The following NAALADL2 variants were observed in gnomAD, a reference collection of about 807,000 sequenced individuals.
NAALADL2 encodes the protein inactive N-acetylated-alpha-linked acidic dipeptidase-like protein 2.
Under a neutral mutation model 87.2 loss-of-function variants are expected in NAALADL2, and 76 were observed. That is an observed-to-expected ratio of 0.87 (90% CI 0.72 to 1.05). The LOEUF (loss-of-function observed/expected upper bound fraction) is 1.05. Among genes scored for constraint, NAALADL2 ranks in the 50% least tolerant of loss-of-function variants. The pLI is 0.00. For missense variants in NAALADL2, 1,089 were observed against 945.8 expected (o/e 1.15, Z -1.99); for synonymous variants, 354 against 331.0 (o/e 1.07, Z -0.75).
chr3:175,243,531 C>CTTTTTT lies in NAALADL2; in HGVS notation c.819+9349_819+9354dup, dbSNP rs3066298. On this transcript the variant is annotated intron_variant, in intron 3 of 13. Coordinates refer to ENST00000454872, the MANE Select transcript of NAALADL2 (RefSeq NM_207015.3). ...AATTTGCAAATGCTACACATCAGGA[C>CTTTTTT]TTTTTTTTTTTTTTTTTTTTTTTTT... Among the ~76,000 whole-genome samples the CTTTTTT allele has an allele frequency of 2.1e-3, 178 of 85,572 alleles. 11 individuals carry two copies. The highest frequency in any genetic ancestry group is 7.5e-3 in the African/African-American group (171 of 22,682). 56.1% of individuals were successfully genotyped at this position (85,572 alleles called of 152,430 possible). A position where few individuals can be genotyped will look rare whatever the true frequency, so the allele number is the denominator to read the frequency against.
In NAALADL2 at chr3:175,228,429, G is replaced by A. The variant is rs368856638; in HGVS notation, c.546-5502G>A. On this transcript the variant is annotated intron_variant, in intron 2 of 13. Coordinates refer to ENST00000454872, the MANE Select transcript of NAALADL2 (RefSeq NM_207015.3). The stretch of plus-strand genomic sequence containing the variant: ...TTTGTTAATAGATATTCTGAAAAAC[G>A]CATATATGCTGAATACATTATAACA... Among the ~76,000 whole-genome samples the A allele has an allele frequency of 5.5e-4, 83 of 151,512 alleles. 1 individual carries two copies. The South Asian group carries it at 0.016, about 29-fold the overall frequency.
At chr3:174,954,103 A>G (rs994004533) in intron 1 of NAALADL2, among the ~76,000 whole-genome samples, 3 of 152,184 alleles carry the variant, frequency 2.0e-5, no homozygotes, top group East Asian at 1.9e-4. Flanking sequence ...CCTATTTGCA[A>G]TATTCCTTCT....
intron 5 of NAALADL2, among the ~76,000 whole-genome samples, chr3:175,410,816 G>T (rs980232561): frequency 6.6e-6 from 1 of 152,050 alleles, no homozygotes; most frequent in African/African-American, 2.4e-5. Flanking sequence ...TACAGTGAGC[G>T]GCATAGGTTA....
intron 1 of NAALADL2, among the ~76,000 whole-genome samples, chr3:174,939,020 C>T (rs1738164766): frequency 6.6e-6 from 1 of 152,042 alleles, no homozygotes; most frequent in Admixed American, 6.6e-5. Context: ...TAATTAGATC[C>T]TTCTCGTCAA....
chr3:175,233,478 G>A (rs531907338), intron 2 of NAALADL2, among the ~76,000 whole-genome samples: 38 of 152,212 alleles, frequency 2.5e-4, no homozygotes, highest in South Asian at 1.2e-3. Context: ...GTCTCACTCT[G>A]TTGACAAAGC....
At chr3:175,722,341 A>G (rs1742350083) in intron 11 of NAALADL2, among the ~76,000 whole-genome samples, 1 of 152,136 alleles carries the variant, frequency 6.6e-6, no homozygotes, top group Non-Finnish European at 1.5e-5. Flanking sequence ...TAATTTTTCC[A>G]TTAAAATGAG....
chr3:174,513,097 G>T (rs1719711795), intron 1 of NAALADL2, among the ~76,000 whole-genome samples: 1 of 152,006 alleles, frequency 6.6e-6, no homozygotes, highest in Non-Finnish European at 1.5e-5. Context: ...GAGTAGCTGG[G>T]ATTACAAGCG....
rs544262063 is a variant in NAALADL2 at position 174,878,851 on chromosome 3, G to A, written c.43+19401G>A. On this transcript the variant is annotated intron_variant, in intron 1 of 13. Coordinates refer to ENST00000454872, the MANE Select transcript of NAALADL2 (RefSeq NM_207015.3). The stretch of plus-strand genomic sequence containing the variant: ...TTGAAAAGGGGCCATGTGATTATTT[G>A]TCATTCAAAACAATAATAAAAAGAA... 6.6e-5 allele frequency among the ~76,000 whole-genome samples: 10 copies of A among 152,104 alleles called. No homozygotes were observed. The East Asian group carries it at 1.9e-3, about 29-fold the overall frequency.
At position 175,097,024 on chromosome 3, in the gene NAALADL2, C is replaced by A; in HGVS notation, c.278C>A (p.Pro93His). The A allele has an allele frequency of 6.2e-7, 1 of 1,613,534 alleles. No homozygotes were observed. Among genetic ancestry groups the A allele is most frequent in the Non-Finnish European group, 8.5e-7 (1 of 1,179,732 alleles). ...NLDSIQPATS[P>H]KGRFQRLQEE... The stretch of plus-strand genomic sequence containing the variant: ...GATTCCATTCAACCAGCAACTTCAC[C>A]CAAAGGAAGGTTCCAGAGACTTCAA... The change falls in exon 2 of 14, where the codon CCC becomes CAC. Residue 93 changes from proline (P) to histidine (H), a missense_variant. Physicochemically the swap from Pro to His is moderately conservative, Grantham distance 77. Coordinates refer to ENST00000454872, the MANE Select transcript of NAALADL2 (RefSeq NM_207015.3).
At chr3:175,113,838 A>G (rs73883352) in intron 2 of NAALADL2, among the ~76,000 whole-genome samples, 18,909 of 151,492 alleles carry the variant, frequency 0.12, 1,439 homozygotes, top group East Asian at 0.33. Flanking sequence ...AATCGTAAAC[A>G]AACCCAAAGT....
intron 2 of NAALADL2, among the ~76,000 whole-genome samples, chr3:174,701,225 G>C (rs1316534206): frequency 2.7e-5 from 4 of 150,724 alleles, no homozygotes; most frequent in African/African-American, 9.7e-5. Context: ...GTATAAAAAT[G>C]CTTAAAATGT....
At chr3:174,878,799 C>T (rs1402447527) in intron 1 of NAALADL2, among the ~76,000 whole-genome samples, 1 of 151,864 alleles carries the variant, frequency 6.6e-6, no homozygotes, top group Admixed American at 6.6e-5. Flanking sequence ...CCTCAGAAGA[C>T]ATGTGAGATA....
intron 3 of NAALADL2, among the ~76,000 whole-genome samples, chr3:174,795,984 C>A (rs1578963792): frequency 2.0e-5 from 3 of 152,206 alleles, no homozygotes; most frequent in Admixed American, 2.0e-4. Context: ...GTCCTAATCC[C>A]AAGCACATCT....
intron 8 of NAALADL2, among the ~76,000 whole-genome samples, chr3:175,471,047 G>C (rs1417547683): frequency 6.6e-6 from 1 of 152,074 alleles, no homozygotes; most frequent in African/African-American, 2.4e-5. Context: ...GTTAACCTTT[G>C]AAGAACATTT....
intron 9 of NAALADL2, among the ~76,000 whole-genome samples, chr3:175,575,496 G>A (rs1021543396): frequency 2.5e-4 from 38 of 152,058 alleles, no homozygotes; most frequent in Non-Finnish European, 2.5e-4. Context: ...TGTTGGCCAG[G>A]CTGGTCTCAA....
chr3:175,438,915 T>C (rs1719211405), intron 5 of NAALADL2, among the ~76,000 whole-genome samples: 1 of 152,080 alleles, frequency 6.6e-6, no homozygotes, highest in Non-Finnish European at 1.5e-5. Context: ...GAATAAGTCC[T>C]TTAGTGGTGA....
intron 9 of NAALADL2, among the ~76,000 whole-genome samples, chr3:175,499,672 T>C (rs1456957176): frequency 6.6e-6 from 1 of 152,146 alleles, no homozygotes; most frequent in Admixed American, 6.6e-5. Context: ...TTATTCTTTT[T>C]GAATCTGTTT....
chr3:174,926,842 T>G lies in NAALADL2; in HGVS notation c.43+67392T>G, dbSNP rs529909795. Among the ~76,000 whole-genome samples, 550 of 152,176 alleles carry G rather than the reference T, an allele frequency of 3.6e-3. 4 individuals carry two copies. The highest frequency in any genetic ancestry group is 0.013 in the African/African-American group (534 of 41,522). ...CTAACATCATAATGACAGGATCAAA[T>G]TCACACATAACAATATGAACCTTAA... On this transcript the variant is annotated intron_variant, in intron 1 of 13. Coordinates refer to ENST00000454872, the MANE Select transcript of NAALADL2 (RefSeq NM_207015.3).
chr3:175,394,931 AT>A (rs531612194), intron 5 of NAALADL2, among the ~76,000 whole-genome samples: 27 of 150,666 alleles, frequency 1.8e-4, no homozygotes, highest in East Asian at 5.8e-4. Context: ...TCAGCATGTG[AT>A]TTTTTTTTTC....
Sources: allele counts gnomAD v4.1 joint callset (sites outside exome capture counted in the v4.1 genomes callset), GRCh38; gene constraint gnomAD v4.1.1; transcripts MANE v1.5; gene names NCBI Gene and HGNC (gene_info 2026-07-23, HGNC 2026-07-21).